Variants in LAMB1 observed in about 807,000 individuals in gnomAD.
LAMB1 encodes laminin subunit beta 1.
Under a neutral mutation model 222.3 loss-of-function variants are expected in LAMB1, and 121 were observed. That is an observed-to-expected ratio of 0.54 (90% CI 0.47 to 0.63). LAMB1 has a LOEUF of 0.63. LAMB1 is among the 30% of genes least tolerant of loss of function. LAMB1 has a pLI of 0.00. For synonymous variants in LAMB1, 794 were observed against 807.2 expected, an observed-to-expected ratio of 0.98 and a Z score of 0.28; for missense variants, 2,172 against 2,240.8, an observed-to-expected ratio of 0.97 and a Z score of 0.62.
At chr7:107,956,541 ATTGT>A (rs2033380983) in intron 20 of LAMB1, among the ~76,000 whole-genome samples, 1 of 152,102 alleles carries the variant, frequency 6.6e-6, no homozygotes, top group Non-Finnish European at 1.5e-5. Context: ...TGTGCACTTG[ATTGT>A]TCTATCAGCT....
rs2033475957 is a variant in LAMB1 at position 107,960,542 on chromosome 7, A to G, written c.2217T>C (p.Cys739=). 6.2e-7 allele frequency: 1 copy of G among 1,614,164 alleles called. No individual in the cohort carries two copies. The highest frequency in any genetic ancestry group is 1.3e-5 in the African/African-American group (1 of 75,052). The part of the protein sequence containing the change: ...SAWETFQRYR[C]LENSRSVVKT... ...TCACAACGCTTCTGCTGTTCTCTAG[A>G]CATCGGTATCTCTGAAAGGTTTCCC... Residue 739 remains cysteine (C), a synonymous_variant, in exon 18 of 34, where the codon TGT becomes TGC. Transcript: ENST00000222399.
At chr7:107,928,745 G>T (rs1002159915) in intron 31 of LAMB1, among the ~76,000 whole-genome samples, 2 of 152,094 alleles carry the variant, frequency 1.3e-5, no homozygotes, top group African/African-American at 4.8e-5. Flanking sequence ...CACCCACCTC[G>T]GCCTCCCAAA....
intron 31 of LAMB1, among the ~76,000 whole-genome samples, chr7:107,928,498 G>A (rs2032621267): frequency 6.7e-6 from 1 of 150,002 alleles, no homozygotes; most frequent in Non-Finnish European, 1.5e-5. Context: ...ATGAATAGGA[G>A]TGCTTTTTTT....
At chr7:107,987,917 C>T (rs550492811) in intron 5 of LAMB1, among the ~76,000 whole-genome samples, 2 of 152,074 alleles carry the variant, frequency 1.3e-5, no homozygotes, top group Non-Finnish European at 2.9e-5. Flanking sequence ...AAGGGACTTA[C>T]GTTTTTGCAA....
chr7:107,955,711 C>A, intron 20 of LAMB1, 81 bp from the exon 21 acceptor site: 1 of 1,315,256 alleles, frequency 7.6e-7, no homozygotes, highest in Non-Finnish European at 1.0e-6. Context: ...GAAAACTGTT[C>A]TGTTTGGGCA....
At position 107,923,966 on chromosome 7, in the gene LAMB1, A is replaced by G. The variant is rs763641113; in HGVS notation, c.5346T>C (p.Tyr1782=). Residue 1782 remains tyrosine (Y), a synonymous_variant, in exon 34 of 34, where the codon TAT becomes TAC. Transcript: ENST00000222399. ...LKDISQKVAV[Y]STCL is the part of the protein sequence containing the mutation. ...TTCTCCTCTGTTACAAGCATGTGCTATACACAGCAACTTTCTGGCTTATAT... is the reference window on the plus strand; with the variant it reads ...TTCTCCTCTGTTACAAGCATGTGCTGTACACAGCAACTTTCTGGCTTATAT... The G allele has an allele frequency of 1.1e-5, 18 of 1,609,806 alleles. No individual in the cohort carries two copies. In the Admixed American group the frequency reaches 2.2e-4, roughly 20 times the overall value.
chr7:107,961,991 C>T (rs1305495350), intron 15 of LAMB1, among the ~76,000 whole-genome samples: 1 of 152,136 alleles, frequency 6.6e-6, no homozygotes, highest in African/African-American at 2.4e-5. Flanking sequence ...AGTCCAAATT[C>T]CTTTACTAAT....
chr7:108,000,475 G>T (rs1197830191), intron 3 of LAMB1, among the ~76,000 whole-genome samples: 1 of 152,230 alleles, frequency 6.6e-6, no homozygotes, highest in Non-Finnish European at 1.5e-5. Context: ...TGAGCAATTA[G>T]CTTGGAACTT....
chr7:107,926,392 A>C (rs1411298847), intron 31 of LAMB1, 33 bp from the exon 32 acceptor site: 2 of 1,590,314 alleles, frequency 1.3e-6, no homozygotes, highest in Non-Finnish European at 1.7e-6. Flanking sequence ...GCAAGACATT[A>C]GTTTAAGAAA....
rs746924027 is a variant in LAMB1 at position 107,924,265 on chromosome 7, A to G, written c.5189T>C (p.Leu1730Ser). The change falls in exon 33 of 34, where the codon TTA becomes TCA. Residue 1730 changes from leucine to serine, a missense_variant. Physicochemically the swap from Leu to Ser is moderately radical, Grantham distance 145. Coordinates refer to ENST00000222399, the MANE Select transcript of LAMB1 (RefSeq NM_002291.3). Reference protein sequence around the residue: ...EMLQNEAKTLLAQANSKLQLL... With the variant: ...EMLQNEAKTLSAQANSKLQLL... The stretch of plus-strand genomic sequence containing the variant: ...TTGCAGCTTGCTATTTGCTTGAGCT[A>G]AAAGAGTTTTTGCTTCATTTTGTAG... 1.2e-6 allele frequency: 2 copies of G among 1,612,840 alleles called. No individual in the cohort carries two copies. The highest frequency in any genetic ancestry group is 2.2e-5 in the South Asian group (2 of 90,680).
At position 107,986,284 on chromosome 7, in the gene LAMB1, T is replaced by C; in HGVS notation, c.503A>G (p.Tyr168Cys). Residue 168 changes from tyrosine to cysteine, a missense_variant, in exon 6 of 34, where the codon TAT becomes TGT. Physicochemically the swap from Tyr to Cys is radical, Grantham distance 194. Transcript: ENST00000222399. ...KTWGVYRYFA[Y>C]DCEASFPGIS... ...GCCTGGAAACGAGGCCTCACAGTCA[T>C]AGGCGAAGTATCTATACACACCCCA... The C allele has an allele frequency of 6.2e-7, 1 of 1,614,090 alleles. No homozygotes were observed. The highest frequency in any genetic ancestry group is 8.5e-7 in the Non-Finnish European group (1 of 1,179,968).
chr7:107,936,270 G>T (rs535997260), intron 26 of LAMB1: 1 of 152,314 alleles, frequency 6.6e-6, no homozygotes, highest in Non-Finnish European at 1.5e-5. Flanking sequence ...GCTGGGTGTG[G>T]TGGTTCACCT....
intron 31 of LAMB1, among the ~76,000 whole-genome samples, chr7:107,928,215 AT>A (rs1374381778): frequency 3.9e-5 from 6 of 152,194 alleles, no homozygotes; most frequent in African/African-American, 1.4e-4. Context: ...GTCACAGTAT[AT>A]TTCTTATAAA....
At chr7:107,949,102 G>A (rs1168175125) in intron 24 of LAMB1, among the ~76,000 whole-genome samples, 4 of 152,274 alleles carry the variant, frequency 2.6e-5, no homozygotes, top group East Asian at 3.9e-4. Context: ...AGAAGTTGGC[G>A]AACAATGATG....
Position 107,925,673 on chromosome 7 carries a change from T to TTCTC in LAMB1, c.5064+506_5064+509dup, listed in dbSNP as rs956902240. Among the ~76,000 whole-genome samples, 5 of 152,208 alleles carry TTCTC rather than the reference T, an allele frequency of 3.3e-5. 1 individual carries two copies. Among genetic ancestry groups the TTCTC allele is most frequent in the African/African-American group, 1.2e-4 (5 of 41,450 alleles). The stretch of plus-strand genomic sequence containing the variant: ...TTAAACATTTGGGTTGTGTGAGTTT[T>TTCTC]TCTCTGCAAAATATAGTGCCTTCGA... On this transcript the variant is annotated intron_variant, in intron 32 of 33. Transcript: ENST00000222399.
chr7:107,946,865 G>A (rs557432560), intron 24 of LAMB1, among the ~76,000 whole-genome samples: 1 of 152,290 alleles, frequency 6.6e-6, no homozygotes, highest in Admixed American at 6.5e-5. Flanking sequence ...TGAGAAACGA[G>A]CATGATGGGG....
intron 5 of LAMB1, among the ~76,000 whole-genome samples, chr7:107,992,901 A>T (rs1358298793): frequency 6.6e-6 from 1 of 152,156 alleles, no homozygotes; most frequent in Admixed American, 6.5e-5. Context: ...TATTTAAAAA[A>T]CAAAAAACAG....
At chr7:107,959,558 C>T (rs1465338646) in intron 19 of LAMB1, 78 bp from the exon 20 acceptor site, 1 of 1,606,442 alleles carries the variant, frequency 6.2e-7, no homozygotes, top group African/African-American at 1.3e-5. Flanking sequence ...AGCACCCTGT[C>T]CCCAATTCAG....
At chr7:107,937,818 T>G (rs2032883354) in intron 25 of LAMB1, among the ~76,000 whole-genome samples, 1 of 152,198 alleles carries the variant, frequency 6.6e-6, no homozygotes, top group Admixed American at 6.5e-5. Context: ...CAGAGGGGCC[T>G]CCTTCTACCA....
Sources: gnomAD v4.1 joint callset for allele counts (sites outside exome capture counted in the v4.1 genomes callset) on GRCh38, gnomAD v4.1.1 for gene constraint, MANE v1.5 for transcripts, NCBI Gene and HGNC (gene_info 2026-07-23, HGNC 2026-07-21) for gene names.